The following ZNF609 variants were observed in gnomAD, a reference collection of about 807,000 sequenced individuals.
The protein encoded by ZNF609 is zinc finger protein 609.
Under a neutral mutation model 109.5 loss-of-function variants are expected in ZNF609, and 11 were observed. The observed-to-expected ratio is 0.10, with a 90% CI of 0.06 to 0.17. The LOEUF is 0.17. Ranked by LOEUF, ZNF609 falls within the 10% of genes least tolerant of loss-of-function variation. ZNF609 has a pLI of 1.00. For synonymous variants in ZNF609, 646 were observed against 662.0 expected, an observed-to-expected ratio of 0.98 and a Z score of 0.37; for missense variants, 1,559 against 1,772.4, an observed-to-expected ratio of 0.88 and a Z score of 2.16.
At chr15:64,656,991 G>A (rs1351918119) in intron 3 of ZNF609, among the ~76,000 whole-genome samples, 1 of 152,198 alleles carries the variant, frequency 6.6e-6, no homozygotes, top group African/African-American at 2.4e-5. Context: ...AGGCACAGTG[G>A]CTCACGCCTG....
At chr15:64,488,242 A>G (rs964720933) in intron 1 of ZNF609, among the ~76,000 whole-genome samples, 4 of 152,210 alleles carry the variant, frequency 2.6e-5, no homozygotes, top group African/African-American at 9.7e-5. Flanking sequence ...GCTGACTGCT[A>G]ATTGAGAGAG....
chr15:64,632,931 C>A (rs1401277048), intron 3 of ZNF609, among the ~76,000 whole-genome samples: 1 of 151,514 alleles, frequency 6.6e-6, no homozygotes. Context: ...CACCACCATG[C>A]CCAACTAATT....
intron 2 of ZNF609, among the ~76,000 whole-genome samples, chr15:64,606,809 T>G (rs2140954331): frequency 6.6e-6 from 1 of 151,468 alleles, no homozygotes; most frequent in Middle Eastern, 3.4e-3. Flanking sequence ...TCGAGATCAG[T>G]CTGGCCAACA....
chr15:64,633,843 T>C (rs1896124918), intron 3 of ZNF609, among the ~76,000 whole-genome samples: 1 of 151,384 alleles, frequency 6.6e-6, no homozygotes, highest in South Asian at 2.1e-4. Flanking sequence ...ATAGTGCCAC[T>C]GCGCTCCAGC....
chr15:64,519,244 G>A (rs985524826), intron 2 of ZNF609, among the ~76,000 whole-genome samples: 6 of 152,084 alleles, frequency 3.9e-5, no homozygotes, highest in Non-Finnish European at 8.8e-5. Flanking sequence ...AAGTAGAAAT[G>A]TCTCTTGAGG....
intron 1 of ZNF609, among the ~76,000 whole-genome samples, chr15:64,489,377 T>TTA (rs1340129807): frequency 8.6e-5 from 13 of 150,730 alleles, no homozygotes; most frequent in Non-Finnish European, 7.4e-5. Context: ...AGACAGGGTT[T>TTA]TACCATCTTG....
chr15:64,559,454 A>C (rs1894644180), intron 2 of ZNF609, among the ~76,000 whole-genome samples: 1 of 152,216 alleles, frequency 6.6e-6, no homozygotes, highest in African/African-American at 2.4e-5. Context: ...ATTGGTAGCC[A>C]AGTTGGAATC....
At chr15:64,549,338 A>G (rs769565037) in intron 2 of ZNF609, among the ~76,000 whole-genome samples, 5 of 151,986 alleles carry the variant, frequency 3.3e-5, no homozygotes, top group Non-Finnish European at 7.4e-5. Flanking sequence ...TTACAGGTGC[A>G]CACCACCTCG....
intron 1 of ZNF609, among the ~76,000 whole-genome samples, chr15:64,497,438 C>T (rs1445924051): frequency 6.6e-6 from 1 of 152,060 alleles, no homozygotes; most frequent in Non-Finnish European, 1.5e-5. Flanking sequence ...TTTTCTTGCC[C>T]CTACACCCTA....
Position 64,499,827 on chromosome 15 carries a change from T to C in ZNF609, c.408T>C (p.Ala136=), listed in dbSNP as rs1199191772. 2.5e-6 allele frequency: 4 copies of C among 1,614,066 alleles called. No homozygotes were observed. The South Asian group carries it at 3.3e-5, about 13-fold the overall frequency. Residue 136 remains alanine (A), a synonymous_variant, in exon 2 of 10, where the codon GCT becomes GCC. Coordinates refer to ENST00000326648, the MANE Select transcript of ZNF609 (RefSeq NM_015042.2). The part of the protein sequence containing the change: ...GDGANAGGLV[A]AIAPKGSEKA... ...GTGCCAATGCTGGAGGCCTGGTTGC[T>C]GCTATTGCTCCCAAGGGCTCAGAGA...
chr15:64,604,050 C>T (rs972064642), intron 2 of ZNF609, among the ~76,000 whole-genome samples: 3 of 151,858 alleles, frequency 2.0e-5, no homozygotes, highest in Non-Finnish European at 4.4e-5. Context: ...CTGCCTCTCC[C>T]CCAGGTAGAC....
At chr15:64,680,476 A>T (rs1595762843) in intron 7 of ZNF609, 116 bp downstream of exon 7, 1 of 1,393,482 alleles carries the variant, frequency 7.2e-7, no homozygotes, top group Non-Finnish European at 9.8e-7. Context: ...GGCTGACTTG[A>T]CACTGGCAGC....
intron 2 of ZNF609, among the ~76,000 whole-genome samples, chr15:64,524,012 G>GTT (rs891569884): frequency 1.4e-5 from 2 of 138,370 alleles, no homozygotes; most frequent in Non-Finnish European, 3.1e-5. Flanking sequence ...GGTTATACGG[G>GTT]TTTTTTTTTT....
At chr15:64,488,709 A>T (rs993568921) in intron 1 of ZNF609, among the ~76,000 whole-genome samples, 4 of 152,186 alleles carry the variant, frequency 2.6e-5, no homozygotes, top group Non-Finnish European at 5.9e-5. Flanking sequence ...CTAGAATATA[A>T]AAAATGAAGG....
At position 64,573,343 on chromosome 15, in the gene ZNF609, T is replaced by C. The variant is rs1400445536; in HGVS notation, c.748-49484T>C. 3.7e-5 allele frequency among the ~76,000 whole-genome samples: 4 copies of C among 108,640 alleles called. 1 individual carries two copies. The highest frequency in any genetic ancestry group is 1.4e-4 in the African/African-American group (4 of 29,218). 71.3% of individuals were successfully genotyped at this position (108,640 alleles called of 152,430 possible). On this transcript the variant is annotated intron_variant, in intron 2 of 9. Coordinates refer to ENST00000326648, the MANE Select transcript of ZNF609 (RefSeq NM_015042.2). ...TCTGCAGTAGAGTTAGTGGCCCAAC[T>C]TTCTTTTTTTTTTTTTTTTTTTTTT...
At position 64,670,453 on chromosome 15, in the gene ZNF609, T is replaced by G. The variant is rs762167191; in HGVS notation, c.1061+20T>G. ...CCCAAGGTAAGCACTTACAGCTATT[T>G]AGTTTATATTATTCTGAACCACACT... On this transcript the variant is annotated intron_variant, in intron 4 of 9. Transcript: ENST00000326648. 1 of 1,598,868 alleles carries G rather than the reference T, an allele frequency of 6.3e-7. No homozygotes were observed. Among genetic ancestry groups the G allele is most frequent in the African/African-American group, 1.3e-5 (1 of 74,708 alleles).
intron 3 of ZNF609, among the ~76,000 whole-genome samples, chr15:64,632,173 C>T (rs767540336): frequency 3.3e-5 from 5 of 152,104 alleles, no homozygotes; most frequent in Non-Finnish European, 7.4e-5. Flanking sequence ...CCACGTCAGC[C>T]TCCCAAGTAA....
intron 1 of ZNF609, among the ~76,000 whole-genome samples, chr15:64,489,152 T>G (rs1451694139): frequency 2.0e-5 from 3 of 151,328 alleles, no homozygotes. Context: ...ACAACAGTTC[T>G]GTGTGCAAGC....
intron 3 of ZNF609, among the ~76,000 whole-genome samples, chr15:64,643,490 A>G (rs1896291022): frequency 6.6e-6 from 1 of 152,168 alleles, no homozygotes; most frequent in African/African-American, 2.4e-5. Flanking sequence ...AAATAAAAAT[A>G]GGAACTACAT....
Sources: allele counts gnomAD v4.1 joint callset (sites outside exome capture counted in the v4.1 genomes callset), GRCh38; gene constraint gnomAD v4.1.1; transcripts MANE v1.5; gene names NCBI Gene and HGNC (gene_info 2026-07-23, HGNC 2026-07-21).